Variants in VPS13D observed in about 807,000 individuals in gnomAD.
VPS13D encodes vacuolar protein sorting 13 homolog D.
A neutral mutation model predicts 461.9 loss-of-function variants in VPS13D; 187 were observed. The observed-to-expected ratio is 0.40, with a 90% CI of 0.36 to 0.46. The LOEUF (loss-of-function observed/expected upper bound fraction) is 0.46. VPS13D is among the 20% of genes least tolerant of loss of function. VPS13D has a pLI of 0.60. For missense variants in VPS13D, 4,711 were observed against 5,364.9 expected, an observed-to-expected ratio of 0.88 and a Z score of 3.81; for synonymous variants, 1,951 against 1,986.3, an observed-to-expected ratio of 0.98 and a Z score of 0.47.
At position 12,502,641 on chromosome 1, in the gene VPS13D, GAAAA is replaced by G. The variant is rs113179323; in HGVS notation, c.12795-4201_12795-4198del. Among the ~76,000 whole-genome samples, 1 of 133,886 alleles carries G rather than the reference GAAAA, an allele frequency of 7.5e-6. No individual in the cohort carries two copies. The highest frequency in any genetic ancestry group is 1.6e-5 in the Non-Finnish European group (1 of 60,980). 87.8% of individuals were successfully genotyped at this position (133,886 alleles called of 152,430 possible). A position where few individuals can be genotyped will look rare whatever the true frequency, so the allele number is the denominator to read the frequency against. On this transcript the variant is annotated intron_variant, in intron 68 of 69. Transcript: ENST00000620676. The surrounding 1 kb of genome is among the most constrained non-coding windows in gnomAD (Gnocchi z 4.3). ...TCAGGTATATAAATGAGTTAATATCGAAAAAAAAAAAAAAGAGCAGGAGGAAAAT... is the reference window on the plus strand; with the variant it reads ...TCAGGTATATAAATGAGTTAATATCGAAAAAAAAAAGAGCAGGAGGAAAAT...
At chr1:12,322,329 T>G (rs1178680953) in intron 33 of VPS13D, among the ~76,000 whole-genome samples, 10 of 152,164 alleles carry the variant, frequency 6.6e-5, no homozygotes. Context: ...TGGTGCAGTT[T>G]TGTGACCATT....
chr1:12,433,638 T>C (rs1645021226), intron 65 of VPS13D, among the ~76,000 whole-genome samples: 1 of 152,208 alleles, frequency 6.6e-6, no homozygotes, highest in Admixed American at 6.5e-5. Context: ...CGGCAGCTCC[T>C]GCGGGGATCA....
chr1:12,325,976 C>CTTTTTTTTTTTTTTTT (rs70987244), intron 35 of VPS13D, among the ~76,000 whole-genome samples: 2 of 137,270 alleles, frequency 1.5e-5, no homozygotes, highest in African/African-American at 2.6e-5. Flanking sequence ...TACTTGATTT[C>CTTTTTTTTTTTTTTTT]TTTTTTTTTT....
rs1557689982 is a variant in VPS13D at position 12,291,742 on chromosome 1, C to G, written c.5852+618C>G. Reference sequence around the variant, plus strand: ...GGTGTATGTCCTGAGACAAGTCATGCAGTCTTCGTGCATCAGTTTTTCTAT... The same window carrying G: ...GGTGTATGTCCTGAGACAAGTCATGGAGTCTTCGTGCATCAGTTTTTCTAT... On this transcript the variant is annotated intron_variant, in intron 23 of 69. Transcript: ENST00000620676. Among the ~76,000 whole-genome samples the G allele has an allele frequency of 3.3e-5, 5 of 152,196 alleles. No homozygotes were observed. The South Asian group carries it at 1.0e-3, about 32-fold the overall frequency.
chr1:12,508,814 G>C, intron 69 of VPS13D, 79 bp from the exon 70 acceptor site: 2 of 1,519,128 alleles, frequency 1.3e-6, no homozygotes, highest in Non-Finnish European at 1.8e-6. Context: ...AGCTGGGCTG[G>C]GAGCCGCCAC....
At chr1:12,304,825 T>A (rs1356380008) in intron 26 of VPS13D, 97 bp downstream of exon 26, 1 of 1,195,076 alleles carries the variant, frequency 8.4e-7, no homozygotes, top group Admixed American at 2.2e-5. Context: ...CAAGCAAATG[T>A]TAACGAAGAG....
At chr1:12,475,954 G>A (rs1350936131) in intron 67 of VPS13D, among the ~76,000 whole-genome samples, 5 of 151,940 alleles carry the variant, frequency 3.3e-5, no homozygotes, top group Non-Finnish European at 7.4e-5. Flanking sequence ...AATGGTGTGT[G>A]GGTGTGAAAA....
intron 2 of VPS13D, among the ~76,000 whole-genome samples, chr1:12,241,551 G>A (rs1640373715): frequency 6.6e-6 from 1 of 152,190 alleles, no homozygotes; most frequent in African/African-American, 2.4e-5. Flanking sequence ...ACAGAGCAGG[G>A]CTCTATATAT....
chr1:12,488,691 AAG>A (rs1323329939), intron 67 of VPS13D, among the ~76,000 whole-genome samples: 36 of 150,698 alleles, frequency 2.4e-4, no homozygotes, highest in African/African-American at 7.5e-4. Context: ...AAAAAAAAAA[AAG>A]TAGTGAAAAT....
In VPS13D at chr1:12,266,961, G is replaced by A; in HGVS notation, c.1675G>A (p.Asp559Asn). Residue 559 changes from aspartate to asparagine, a missense_variant, in exon 14 of 70, where the codon GAC becomes AAC. Asp to Asn is a conservative substitution (Grantham distance 23). This residue lies in a region of VPS13D where 4,411 missense variants were observed against 4,937.8 expected (regional missense o/e 0.89). Transcript: ENST00000620676. ...SVRLGGLFLR[D>N]LATEGTMFPL... ...CCGGTTGGGTGGACTGTTTCTTCGAGACCTGGCTACAGAAGGAACTATGTT... is the reference window on the plus strand; with the variant it reads ...CCGGTTGGGTGGACTGTTTCTTCGAAACCTGGCTACAGAAGGAACTATGTT... The A allele has an allele frequency of 6.2e-7, 1 of 1,610,730 alleles. No individual in the cohort carries two copies. Among genetic ancestry groups the A allele is most frequent in the Non-Finnish European group, 8.5e-7 (1 of 1,179,066 alleles).
rs181430413 is a variant in VPS13D, at chr1:12,247,263, A to G, written c.448-1960A>G. Among the ~76,000 whole-genome samples, 813 of 152,190 alleles carry G rather than the reference A, an allele frequency of 5.3e-3. 7 individuals carry two copies. Among genetic ancestry groups the G allele is most frequent in the African/African-American group, 0.018 (738 of 41,504 alleles). On this transcript the variant is annotated intron_variant, in intron 5 of 69. Transcript: ENST00000620676. ...ACCCCGTCTCTGCTAAAAATACAAA[A>G]TTAGCTAGACATGGTGGCATGTGCG...
In VPS13D at chr1:12,321,977, A is replaced by C. The variant is rs1328306293; in HGVS notation, c.7704+13A>C. ...ACCTGTCCTGGAGGTAATGATGCAA[A>C]ATCTGTGCAATACGTTGATATGCTC... On this transcript the variant is annotated intron_variant, in intron 33 of 69. Coordinates refer to ENST00000620676, the MANE Select transcript of VPS13D (RefSeq NM_015378.4). The C allele has an allele frequency of 6.2e-7, 1 of 1,613,036 alleles. No individual in the cohort carries two copies. The highest frequency in any genetic ancestry group is 1.7e-5 in the Admixed American group (1 of 59,826).
chr1:12,498,717 T>A (rs994816940), intron 68 of VPS13D, among the ~76,000 whole-genome samples: 14 of 152,158 alleles, frequency 9.2e-5, no homozygotes, highest in Non-Finnish European at 1.9e-4. Flanking sequence ...AGGTCCAGGA[T>A]CAAGGCATCT....
intron 67 of VPS13D, among the ~76,000 whole-genome samples, chr1:12,483,597 T>C (rs1645753861): frequency 6.6e-6 from 1 of 152,196 alleles, no homozygotes. Context: ...TAACAAAGTT[T>C]ATATCAGTCT....
At chr1:12,386,970 T>C (rs979618299) in intron 60 of VPS13D, among the ~76,000 whole-genome samples, 1 of 152,104 alleles carries the variant, frequency 6.6e-6, no homozygotes, top group Non-Finnish European at 1.5e-5. Context: ...AGTTATAGGA[T>C]GGTACACTTG....
chr1:12,294,539 T>G (rs924831120), intron 24 of VPS13D, among the ~76,000 whole-genome samples: 1 of 151,964 alleles, frequency 6.6e-6, no homozygotes, highest in Non-Finnish European at 1.5e-5. Context: ...GGCAGCCGGG[T>G]GTGGTGGCTC....
At chr1:12,265,435 G>A (rs1451401369) in intron 13 of VPS13D, among the ~76,000 whole-genome samples, 1 of 152,132 alleles carries the variant, frequency 6.6e-6, no homozygotes, top group Non-Finnish European at 1.5e-5. Flanking sequence ...ACCACTCCCA[G>A]CCTCAACTTT....
chr1:12,291,182 A>G lies in VPS13D; in HGVS notation c.5852+58A>G. ...TTTATCATAATACTTGCTGTTTCAGATTCTTGTTGGCTAGACAATAAAGAA... is the reference window on the plus strand; with the variant it reads ...TTTATCATAATACTTGCTGTTTCAGGTTCTTGTTGGCTAGACAATAAAGAA... On this transcript the variant is annotated intron_variant, in intron 23 of 69. Transcript: ENST00000620676. 1.9e-6 allele frequency: 3 copies of G among 1,571,222 alleles called. No individual in the cohort carries two copies. In the South Asian group the frequency reaches 3.5e-5, roughly 18 times the overall value.
intron 17 of VPS13D, among the ~76,000 whole-genome samples, 169 bp from the exon 18 acceptor site, chr1:12,272,834 C>G (rs959749755): frequency 3.9e-5 from 6 of 152,110 alleles, no homozygotes; most frequent in Admixed American, 3.3e-4. Flanking sequence ...GGTAATTTCT[C>G]AGATCCTCAA....
Sources: allele counts gnomAD v4.1 joint callset (sites outside exome capture counted in the v4.1 genomes callset), GRCh38; gene constraint gnomAD v4.1.1; regional missense constraint gnomAD v4.1.1; non-coding constraint Gnocchi (gnomAD v3.1); transcripts MANE v1.5; gene names NCBI Gene and HGNC (gene_info 2026-07-23, HGNC 2026-07-21).